Variants in RPL28 observed in about 807,000 individuals in gnomAD.
RPL28 encodes large ribosomal subunit protein eL28.
RPL28 carries 4 observed loss-of-function variants against 12.5 expected under a neutral mutation model. The ratio of observed to expected loss-of-function variants is 0.32; its 90% CI spans 0.16 to 0.73. The LOEUF (loss-of-function observed/expected upper bound fraction) is 0.73, where lower values mean the gene tolerates loss of function less well. Ranked by LOEUF, RPL28 falls within the 30% of genes least tolerant of loss-of-function variation. RPL28 has a pLI of 0.66. For missense variants in RPL28, 214 were observed against 197.7 expected (o/e 1.08, Z -0.49); for synonymous variants, 91 against 72.5 (o/e 1.26, Z -1.30).
At position 55,386,690 on chromosome 19, in the gene RPL28, T is replaced by G; in HGVS notation, c.202T>G (p.Ser68Ala). The change falls in exon 3 of 5, where the codon TCC (serine) becomes GCC (alanine). Residue 68 changes from serine (S) to alanine (A), a missense_variant. By Grantham distance (99) the Ser-to-Ala change is moderately conservative. Coordinates refer to ENST00000344063, the MANE Select transcript of RPL28 (RefSeq NM_000991.5). Reference protein sequence around the residue: ...KGVVVVIKRRSGQRKPATSYV... With the variant: ...KGVVVVIKRRAGQRKPATSYV... ...TGTCGTGGTGGTCATTAAGCGGAGA[T>G]CCGGTGAGTTTTGTCTGGTTTGGGC... The G allele has an allele frequency of 6.2e-7, 1 of 1,614,120 alleles. No individual in the cohort carries two copies. The highest frequency in any genetic ancestry group is 8.5e-7 in the Non-Finnish European group (1 of 1,180,020).
intron 3 of RPL28, 191 bp from the exon 4 acceptor site, chr19:55,387,739 G>T (rs1002950488): frequency 1.4e-6 from 2 of 1,443,934 alleles, no homozygotes; most frequent in Non-Finnish European, 1.8e-6. Flanking sequence ...TGTGTCCTCA[G>T]TACTCCGTGA....
At position 55,390,377 on chromosome 19, in the gene RPL28, G is replaced by T. The variant is rs1235994765; in HGVS notation, c.*2045G>T. The stretch of plus-strand genomic sequence containing the variant: ...GTGTCACCACACCCAGCTCAGTATT[G>T]TATTTTTAGCAGAGATGGGGTTTCA... On this transcript the variant is annotated 3_prime_UTR_variant, in exon 5 of 5. Coordinates refer to ENST00000344063, the MANE Select transcript of RPL28 (RefSeq NM_000991.5). 1.2e-6 allele frequency: 1 copy of T among 806,556 alleles called. No individual in the cohort carries two copies. The highest frequency in any genetic ancestry group is 5.7e-5 in the South Asian group (1 of 17,672). The allele number at this position is 806,556 out of a possible 1,614,324, so 50.0% of individuals were successfully genotyped here. A position where few individuals can be genotyped will look rare whatever the true frequency, so the allele number is the denominator to read the frequency against.
Position 55,401,497 on chromosome 19 carries a change from C to T in RPL28, c.325-1446C>T, listed in dbSNP as rs756187319. On this transcript the variant is annotated intron_variant, in intron 4 of 4. Transcript: ENST00000560055. ...TTTCTTGGCCGCCAGCTTCTTATCG[C>T]GCTCGCCAGCATGCTTCTTGGCCAT... 21 of 1,609,486 alleles carry T rather than the reference C, an allele frequency of 1.3e-5. No individual in the cohort carries two copies. Among genetic ancestry groups the T allele is most frequent in the Admixed American group, 5.0e-5 (3 of 59,812 alleles).
intron 4 of RPL28, chr19:55,401,235 C>T (rs2090055272): frequency 1.5e-6 from 1 of 658,932 alleles, no homozygotes; most frequent in Non-Finnish European, 2.5e-6. Context: ...CTCCCAGAGC[C>T]ACATGGCACC....
At chr19:55,402,611 G>A (rs1344614151) in intron 4 of RPL28, among the ~76,000 whole-genome samples, 1 of 152,192 alleles carries the variant, frequency 6.6e-6, no homozygotes, top group Non-Finnish European at 1.5e-5. Context: ...AGATATCACT[G>A]ATGGTGACCA....
downstream of RPL28, among the ~76,000 whole-genome samples, chr19:55,394,106 C>A (rs1182824996): frequency 6.6e-6 from 1 of 152,000 alleles, no homozygotes; most frequent in African/African-American, 2.4e-5. Flanking sequence ...ACTAAAAATA[C>A]TAAAAACTGG....
At chr19:55,396,041 G>C (rs1216842120), downstream of RPL28, among the ~76,000 whole-genome samples, 1 of 151,940 alleles carries the variant, frequency 6.6e-6, no homozygotes, top group Non-Finnish European at 1.5e-5. Flanking sequence ...ACTTTGGGAG[G>C]CTGAGATGCG....
At chr19:55,401,216 G>A (rs1449424812) in intron 4 of RPL28, 7 of 609,764 alleles carry the variant, frequency 1.1e-5, no homozygotes. Flanking sequence ...CCTGTGCAGG[G>A]GAGCCAAACT....
chr19:55,402,578 A>G (rs780346235), intron 4 of RPL28, among the ~76,000 whole-genome samples: 21 of 152,172 alleles, frequency 1.4e-4, no homozygotes, highest in Non-Finnish European at 2.4e-4. Flanking sequence ...CATACACAGT[A>G]CCTGGCTCAG....
Position 55,390,883 on chromosome 19 carries a change from GGA to G in RPL28, c.*2560_*2561del, listed in dbSNP as rs1326494855. 15 of 985,014 alleles carry G rather than the reference GGA, an allele frequency of 1.5e-5. No homozygotes were observed. In the East Asian group the frequency reaches 4.5e-4, roughly 30 times the overall value. The allele number at this position is 985,014 out of a possible 1,614,324, so 61.0% of individuals were successfully genotyped here. A position where few individuals can be genotyped will look rare whatever the true frequency, so the allele number is the denominator to read the frequency against. Reference sequence around the variant, plus strand: ...ATTTCCCTCCTCTAGACCTCATCTTGGAGAGAGAGATGTTGGATGGGGCCATC... The same window carrying G: ...ATTTCCCTCCTCTAGACCTCATCTTGGAGAGAGATGTTGGATGGGGCCATC... On this transcript the variant is annotated 3_prime_UTR_variant, in exon 5 of 5. Transcript: ENST00000344063.
downstream of RPL28, among the ~76,000 whole-genome samples, chr19:55,395,699 T>A (rs1328175125): frequency 6.6e-6 from 1 of 151,952 alleles, no homozygotes; most frequent in African/African-American, 2.4e-5. Flanking sequence ...CACCTTGGCC[T>A]CCCAAAGTGC....
At position 55,391,592 on chromosome 19, in the gene RPL28, G is replaced by C; in HGVS notation, c.*3260G>C. On this transcript the variant is annotated 3_prime_UTR_variant, in exon 5 of 5. Coordinates refer to ENST00000344063, the MANE Select transcript of RPL28 (RefSeq NM_000991.5). ...CTACTGGGTCAGGGCTCTGCTGCTC[G>C]GTGGCTGTGCAACCTTGGGCAAGTT... 6.5e-7 allele frequency: 1 copy of C among 1,548,552 alleles called. No homozygotes were observed. Among genetic ancestry groups the C allele is most frequent in the East Asian group, 2.4e-5 (1 of 40,842 alleles).
At chr19:55,386,256 C>T in intron 1 of RPL28, 94 bp from the exon 2 acceptor site, 1 of 1,172,570 alleles carries the variant, frequency 8.5e-7, no homozygotes, top group Non-Finnish European at 1.2e-6. Flanking sequence ...AGTTCCCAGT[C>T]GCTCTCTTCC....
chr19:55,393,536 G>C (rs935292625), downstream of RPL28, among the ~76,000 whole-genome samples: 56 of 151,458 alleles, frequency 3.7e-4, no homozygotes, highest in African/African-American at 1.4e-3. Flanking sequence ...TCTTATTCCA[G>C]AACATTTCAT....
Position 55,388,024 on chromosome 19 carries a change from C to G in RPL28, c.300C>G (p.Asn100Lys). ...GCATCAGACACATGATCCGCAAGAA[C>G]AAGTACCGCCCCGACCTGCGCATGG... ...LSSIRHMIRKNKYRPDLRMAA... is the reference protein window; with the variant it reads ...LSSIRHMIRKKKYRPDLRMAA... The change falls in exon 4 of 5, where the codon AAC becomes AAG. Residue 100 changes from asparagine to lysine, a missense_variant. Transcript: ENST00000344063. The G allele has an allele frequency of 6.2e-7, 1 of 1,613,856 alleles. No homozygotes were observed. Among genetic ancestry groups the G allele is most frequent in the Non-Finnish European group, 8.5e-7 (1 of 1,179,910 alleles).
At chr19:55,401,214 G>A in intron 4 of RPL28, 2 of 607,528 alleles carry the variant, frequency 3.3e-6, no homozygotes, top group Non-Finnish European at 5.7e-6. Context: ...GGCCTGTGCA[G>A]GGGAGCCAAA....
At chr19:55,402,438 C>T (rs764276849) in intron 4 of RPL28, among the ~76,000 whole-genome samples, 3 of 152,176 alleles carry the variant, frequency 2.0e-5, no homozygotes, top group Non-Finnish European at 2.9e-5. Context: ...CTTCACAGCC[C>T]GTCCTGAGGG....
At chr19:55,401,531 C>T (rs745422668) in intron 4 of RPL28, 2 of 1,610,614 alleles carry the variant, frequency 1.2e-6, no homozygotes, top group Non-Finnish European at 1.7e-6. Flanking sequence ...ATGGGACCCT[C>T]AGCCCCTCCC....
chr19:55,397,804 G>A (rs896411062), intron 4 of RPL28, among the ~76,000 whole-genome samples: 3 of 151,848 alleles, frequency 2.0e-5, no homozygotes, highest in Non-Finnish European at 2.9e-5. Flanking sequence ...GTGGGAGGTG[G>A]GAGGATCAGT....
Sources: allele counts gnomAD v4.1 joint callset (sites outside exome capture counted in the v4.1 genomes callset), GRCh38; gene constraint gnomAD v4.1.1; transcripts MANE v1.5; gene names NCBI Gene and HGNC (gene_info 2026-07-23, HGNC 2026-07-21).